GALNT2: variants seen among roughly 807,000 people sequenced by gnomAD.
The protein encoded by GALNT2 is polypeptide N-acetylgalactosaminyltransferase 2.
Under a neutral mutation model 81.4 loss-of-function variants are expected in GALNT2, and 31 were observed. The ratio of observed to expected loss-of-function variants is 0.38; its 90% CI spans 0.29 to 0.51. The LOEUF (loss-of-function observed/expected upper bound fraction) is 0.51. Among genes scored for constraint, GALNT2 ranks in the 20% least tolerant of loss-of-function variants. GALNT2 has a pLI of 0.87. For missense variants in GALNT2, 629 were observed against 765.7 expected (o/e 0.82, Z 2.11); for synonymous variants, 303 against 287.4 (o/e 1.05, Z -0.55).
In GALNT2 at chr1:230,257,119, G is replaced by C. The variant is rs969558156; in HGVS notation, c.1136+1775G>C. On this transcript the variant is annotated intron_variant, in intron 11 of 15. Transcript: ENST00000366672. The surrounding 1 kb of genome is among the most constrained non-coding windows in gnomAD (Gnocchi z 4.6). ...AGGGGCAGAAGAGCTAGACAGGCCC[G>C]GGCCATGCACCTTTGCAGGTCATGG... Among the ~76,000 whole-genome samples, 1 of 152,250 alleles carries C rather than the reference G, an allele frequency of 6.6e-6. No homozygotes were observed. The highest frequency in any genetic ancestry group is 1.5e-5 in the Non-Finnish European group (1 of 68,048).
intron 3 of GALNT2, among the ~76,000 whole-genome samples, chr1:230,218,265 G>A (rs1664446356): frequency 6.6e-6 from 1 of 152,212 alleles, no homozygotes; most frequent in South Asian, 2.1e-4. Flanking sequence ...ATGCCACTGA[G>A]TTTCTTAACC....
intron 15 of GALNT2, among the ~76,000 whole-genome samples, chr1:230,276,597 C>T (rs1666313890): frequency 6.6e-6 from 1 of 152,162 alleles, no homozygotes; most frequent in Admixed American, 6.5e-5. Flanking sequence ...CTGCAGAGGG[C>T]CCTCTTTCAC....
chr1:230,250,680 C>T, intron 10 of GALNT2, 120 bp downstream of exon 10: 1 of 644,658 alleles, frequency 1.6e-6, no homozygotes, highest in Non-Finnish European at 2.7e-6. Flanking sequence ...CTTAATCGAT[C>T]CTTGCAAACA....
chr1:230,143,895 G>A (rs1661829675), intron 1 of GALNT2, among the ~76,000 whole-genome samples: 2 of 152,208 alleles, frequency 1.3e-5, no homozygotes, highest in African/African-American at 4.8e-5. Flanking sequence ...CTGTTTGTCA[G>A]ATATCAAGAA....
intron 1 of GALNT2, among the ~76,000 whole-genome samples, chr1:230,127,930 C>A (rs917505159): frequency 6.6e-6 from 1 of 152,218 alleles, no homozygotes; most frequent in South Asian, 2.1e-4. Context: ...TGAAGCCAGC[C>A]GCTGTGGCCC....
chr1:230,274,011 A>G lies in GALNT2; in HGVS notation c.1441-434A>G, dbSNP rs182266851. Among the ~76,000 whole-genome samples, 635 of 152,370 alleles carry G rather than the reference A, an allele frequency of 4.2e-3. 4 individuals are homozygous for G. The highest frequency in any genetic ancestry group is 0.011 in the Admixed American group (168 of 15,302). ...CATTCATCAATGCTGTTTGCAGGCC[A>G]TACCTGCATGAGGGCAGAGTCATTC... On this transcript the variant is annotated intron_variant, in intron 14 of 15. Coordinates refer to ENST00000366672, the MANE Select transcript of GALNT2 (RefSeq NM_004481.5).
intron 1 of GALNT2, among the ~76,000 whole-genome samples, chr1:230,111,404 A>G (rs1481544218): frequency 1.3e-5 from 2 of 152,238 alleles, no homozygotes; most frequent in African/African-American, 2.4e-5. Context: ...GTTTGCATAC[A>G]TGTACAAACA....
chr1:230,104,369 A>G (rs971527445), intron 1 of GALNT2, among the ~76,000 whole-genome samples: 4 of 152,230 alleles, frequency 2.6e-5, no homozygotes, highest in African/African-American at 7.2e-5. Context: ...GTGGTGCAGT[A>G]GGTTCTCAGA....
chr1:230,068,263 A>G (rs557862301), intron 1 of GALNT2, among the ~76,000 whole-genome samples: 1 of 152,224 alleles, frequency 6.6e-6, no homozygotes, highest in South Asian at 2.1e-4. Flanking sequence ...GCCGCTCCGG[A>G]CGGCCGGGCC....
At chr1:230,136,231 G>C (rs1302071890) in intron 1 of GALNT2, among the ~76,000 whole-genome samples, 2 of 152,064 alleles carry the variant, frequency 1.3e-5, no homozygotes, top group African/African-American at 4.8e-5. Context: ...AGGTAACTAT[G>C]ATCGAACCTG....
intron 1 of GALNT2, among the ~76,000 whole-genome samples, chr1:230,077,488 G>A (rs961360103): frequency 3.9e-5 from 6 of 152,148 alleles, no homozygotes; most frequent in Admixed American, 6.5e-5. Context: ...GTGACACAAC[G>A]GGTTCTTATC....
At chr1:230,170,026 T>C in intron 1 of GALNT2, among the ~76,000 whole-genome samples, 1 of 152,194 alleles carries the variant, frequency 6.6e-6, no homozygotes, top group Non-Finnish European at 1.5e-5. Flanking sequence ...GTTGTAATTA[T>C]ATTGGCCAGG....
intron 1 of GALNT2, among the ~76,000 whole-genome samples, chr1:230,071,384 G>A (rs961460191): frequency 7.9e-5 from 12 of 152,320 alleles, no homozygotes; most frequent in African/African-American, 2.2e-4. Context: ...GGCAGCCATC[G>A]GGAATGTGGG....
Position 230,243,168 on chromosome 1 carries a change from C to T in GALNT2, c.608-138C>T. On this transcript the variant is annotated intron_variant, in intron 6 of 15. Transcript: ENST00000366672. The surrounding 1 kb of genome is among the most constrained non-coding windows in gnomAD (Gnocchi z 4.2). ...TCTCATGGAGCAGTTTTGATCTCAT[C>T]CAGCAAGTTTACAGTAATGTCCGTG... The T allele has an allele frequency of 8.8e-7, 1 of 1,130,730 alleles. No individual in the cohort carries two copies. The highest frequency in any genetic ancestry group is 2.6e-5 in the East Asian group (1 of 37,960). The allele number at this position is 1,130,730 out of a possible 1,614,324, so 70.0% of individuals were successfully genotyped here. A position where few individuals can be genotyped will look rare whatever the true frequency, so the allele number is the denominator to read the frequency against.
chr1:230,244,959 A>G (rs1480912674), intron 7 of GALNT2, among the ~76,000 whole-genome samples: 2 of 152,168 alleles, frequency 1.3e-5, no homozygotes, highest in African/African-American at 4.8e-5. Context: ...TCTTCTGGCT[A>G]ATAAGGGTTC....
intron 1 of GALNT2, chr1:230,092,176 G>GTTTTTTTTTGTTTTTTTTTTTTTTT (rs762299242): frequency 1.1e-3 from 47 of 42,172 alleles, no homozygotes; most frequent in Admixed American, 1.9e-3. Context: ...TATTCCTTTA[G>GTTTTTTTTTGTTTTTTTTTTTTTTT]TTTTTTTTTT....
At chr1:230,230,344 G>A (rs1402038246) in intron 3 of GALNT2, among the ~76,000 whole-genome samples, 1 of 152,060 alleles carries the variant, frequency 6.6e-6, no homozygotes, top group Non-Finnish European at 1.5e-5. Context: ...TAAATACATA[G>A]CACAGTAATC....
intron 1 of GALNT2, among the ~76,000 whole-genome samples, chr1:230,127,349 T>C (rs1394567599): frequency 6.6e-6 from 1 of 152,072 alleles, no homozygotes; most frequent in African/African-American, 2.4e-5. Context: ...ACTCTCTTAA[T>C]AGTGTAGTTT....
At chr1:230,265,645 T>C (rs1237005840) in intron 14 of GALNT2, among the ~76,000 whole-genome samples, 2 of 152,224 alleles carry the variant, frequency 1.3e-5, no homozygotes, top group Non-Finnish European at 2.9e-5. Flanking sequence ...TGCAGGGCCC[T>C]GGTCTTCCTG....
Sources: gnomAD v4.1 joint callset for allele counts (sites outside exome capture counted in the v4.1 genomes callset) on GRCh38, gnomAD v4.1.1 for gene constraint, Gnocchi (gnomAD v3.1) non-coding constraint, MANE v1.5 for transcripts, NCBI Gene and HGNC (gene_info 2026-07-23, HGNC 2026-07-21) for gene names.